Variants in LRRD1 observed in about 807,000 individuals in gnomAD.
LRRD1 encodes the protein leucine rich repeats and death domain containing 1.
LRRD1 carries 49 observed loss-of-function variants against 69.5 expected under a neutral mutation model. The observed-to-expected ratio is 0.70, with a 90% CI of 0.56 to 0.89. LRRD1 has a LOEUF of 0.89. LRRD1 is among the 40% of genes least tolerant of loss of function. LRRD1 has a pLI of 0.00. For missense variants in LRRD1, 853 were observed against 956.0 expected (o/e 0.89, Z 1.42); for synonymous variants, 303 against 338.9 (o/e 0.89, Z 1.16).
intron 1 of LRRD1, among the ~76,000 whole-genome samples, chr7:92,176,627 A>C (rs1292983700): frequency 1.3e-5 from 2 of 150,934 alleles, no homozygotes. Context: ...GCAGTGGTGC[A>C]ATCTCGGCTC....
intron 3 of LRRD1, among the ~76,000 whole-genome samples, chr7:92,151,076 G>A (rs1045441793): frequency 6.6e-6 from 1 of 152,162 alleles, no homozygotes; most frequent in Non-Finnish European, 1.5e-5. Flanking sequence ...TTCTCCTAAT[G>A]TTATCACATT....
At chr7:92,153,166 G>A (rs1788556581) in intron 3 of LRRD1, among the ~76,000 whole-genome samples, 1 of 152,092 alleles carries the variant, frequency 6.6e-6, no homozygotes, top group African/African-American at 2.4e-5. Flanking sequence ...CAGGGTTCAT[G>A]CAATTCTTGT....
intron 3 of LRRD1, among the ~76,000 whole-genome samples, chr7:92,152,145 G>GTGTGTGTGTGTA (rs1395780857): frequency 6.8e-6 from 1 of 147,302 alleles, no homozygotes; most frequent in Non-Finnish European, 1.5e-5. Context: ...CTGGGAGTGT[G>GTGTGTGTGTGTA]TGTGTGTGTG....
rs376501235 is a variant in LRRD1 at position 92,148,709 on chromosome 7, C to A, written c.2278+1825G>T. On this transcript the variant is annotated intron_variant, in intron 4 of 5. Coordinates refer to ENST00000458448, the MANE Select transcript of LRRD1 (RefSeq NM_001161528.2). The stretch of plus-strand genomic sequence containing the variant: ...GAAATACTTTATGGATCCTAGAAAA[C>A]CCCGAAAATCTTTATTCTATAGAAA... Among the ~76,000 whole-genome samples, 12 of 152,216 alleles carry A rather than the reference C, an allele frequency of 7.9e-5. No individual in the cohort carries two copies. The East Asian group carries it at 1.9e-3, about 24-fold the overall frequency.
downstream of LRRD1, chr7:92,142,857 A>C (rs1403080086): frequency 7.6e-6 from 3 of 392,916 alleles, no homozygotes; most frequent in African/African-American, 6.3e-5. Context: ...CAGCTCATAA[A>C]GGCAGTGTGG....
rs1200868631 is a variant in LRRD1, at chr7:92,174,507, A to G, written c.-75+4500T>C. ...TATATATATATATATATATATATAT[A>G]TATTTTTTTTTTTTTTTTTTTTTTT... On this transcript the variant is annotated intron_variant, in intron 1 of 5. Transcript: ENST00000458448. Among the ~76,000 whole-genome samples, 11 of 16,634 alleles carry G rather than the reference A, an allele frequency of 6.6e-4. 1 individual carries two copies. Among genetic ancestry groups the G allele is most frequent in the African/African-American group, 2.1e-3 (10 of 4,736 alleles). 10.9% of individuals were successfully genotyped at this position (16,634 alleles called of 152,430 possible). A position where few individuals can be genotyped will look rare whatever the true frequency, so the allele number is the denominator to read the frequency against.
chr7:92,144,822 GT>G, downstream of LRRD1: 1 of 966,928 alleles, frequency 1.0e-6, no homozygotes, highest in Non-Finnish European at 1.5e-6. Flanking sequence ...AAGTGAAATG[GT>G]TCACAAACAC....
At chr7:92,167,335 C>A (rs1046833451) in intron 1 of LRRD1, among the ~76,000 whole-genome samples, 1 of 151,770 alleles carries the variant, frequency 6.6e-6, no homozygotes, top group African/African-American at 2.4e-5. Flanking sequence ...ACCTTGTGAT[C>A]CATCCGCCTC....
At chr7:92,165,477 A>C (rs532088820) in intron 1 of LRRD1, among the ~76,000 whole-genome samples, 2 of 152,294 alleles carry the variant, frequency 1.3e-5, no homozygotes, top group East Asian at 3.9e-4. Context: ...TCTTGAAATC[A>C]CTTTAAAATT....
intron 5 of LRRD1, among the ~76,000 whole-genome samples, chr7:92,145,684 C>T (rs1820307099): frequency 6.6e-6 from 1 of 152,108 alleles, no homozygotes; most frequent in Non-Finnish European, 1.5e-5. Context: ...CGTGATCCAC[C>T]CGCCTCAGCT....
In LRRD1 at chr7:92,144,981, A is replaced by G. The variant is rs750310579; in HGVS notation, c.2490T>C (p.Asp830=). ...TCATAGTTAGTGCTCGAATTAGTTG[A>G]TCTCTTAAAGCAGCAGCAGTTAGTG... ...KLSLTAAALR[D]QLIRALTMIG... is the part of the protein sequence containing the mutation. The change falls in exon 6 of 6, where the codon GAT becomes GAC. Residue 830 remains aspartate (D), a synonymous_variant. Transcript: ENST00000458448. 2 of 1,546,162 alleles carry G rather than the reference A, an allele frequency of 1.3e-6. No homozygotes were observed. The highest frequency in any genetic ancestry group is 2.4e-5 in the South Asian group (2 of 83,194).
intron 2 of LRRD1, among the ~76,000 whole-genome samples, chr7:92,161,848 GA>G (rs890951483): frequency 9.2e-5 from 14 of 151,976 alleles, no homozygotes; most frequent in African/African-American, 3.1e-4. Context: ...TAATTTCCAG[GA>G]AAAAAAATGA....
At chr7:92,155,605 A>C (rs1288034218) in intron 3 of LRRD1, among the ~76,000 whole-genome samples, 22 of 152,006 alleles carry the variant, frequency 1.4e-4, no homozygotes, top group Non-Finnish European at 1.5e-5. Context: ...GACTAATAGG[A>C]TAGATATATA....
intron 1 of LRRD1, among the ~76,000 whole-genome samples, chr7:92,178,536 GGC>G (rs1789246639): frequency 6.6e-6 from 1 of 151,874 alleles, no homozygotes; most frequent in Non-Finnish European, 1.5e-5. Flanking sequence ...CGGTCGTGGC[GGC>G]GCGCGCCTGT....
chr7:92,165,362 A>G, intron 1 of LRRD1, 86 bp from the exon 2 acceptor site: 1 of 384,990 alleles, frequency 2.6e-6, no homozygotes. Context: ...TTTTATAAGA[A>G]ATAATTTAAT....
At chr7:92,143,547 A>G (rs1405987663), downstream of LRRD1, among the ~76,000 whole-genome samples, 2 of 152,148 alleles carry the variant, frequency 1.3e-5, no homozygotes, top group African/African-American at 2.4e-5. Flanking sequence ...CGAGAAATTG[A>G]GCACAGCAGC....
At chr7:92,165,319 A>G (rs1468040474) in intron 1 of LRRD1, 43 bp from the exon 2 acceptor site, 1 of 482,832 alleles carries the variant, frequency 2.1e-6, no homozygotes, top group Non-Finnish European at 3.5e-6. Context: ...AGAGATGTCA[A>G]AATGACAAAT....
rs1381215645 is a variant in LRRD1, at chr7:92,145,024, G to A, written c.2447C>T (p.Thr816Ile). 4 of 1,531,262 alleles carry A rather than the reference G, an allele frequency of 2.6e-6. No homozygotes were observed. Among genetic ancestry groups the A allele is most frequent in the East Asian group, 4.9e-5 (2 of 40,658 alleles). 94.9% of individuals were successfully genotyped at this position (1,531,262 alleles called of 1,614,324 possible). Residue 816 changes from threonine (T) to isoleucine (I), a missense_variant, in exon 6 of 6, where the codon ACA becomes ATA. Around this residue, in one of 3 missense-constraint regions of LRRD1, gnomAD observed 739 missense variants for 808.0 expected, o/e 0.91. Transcript: ENST00000458448. The part of the protein sequence containing the change: ...RAHQALVIWK[T>I]QSNKLSLTAA... ...AGTTAGTGATAACTTGTTACTTTGT[G>A]TTTTCCATATAACAAGTGCTTGGTG... is the stretch of plus-strand genomic sequence containing the variant.
chr7:92,165,838 G>A lies in LRRD1; in HGVS notation c.-74-562C>T, dbSNP rs200269457. On this transcript the variant is annotated intron_variant, in intron 1 of 5. Coordinates refer to ENST00000458448, the MANE Select transcript of LRRD1 (RefSeq NM_001161528.2). Reference sequence around the variant, plus strand: ...ATTGCACCATTGCACTCCAGCCTGGGCAACAAGAGTGAAACTCCATCTCAA... The same window carrying A: ...ATTGCACCATTGCACTCCAGCCTGGACAACAAGAGTGAAACTCCATCTCAA... 7.7e-4 allele frequency among the ~76,000 whole-genome samples: 99 copies of A among 128,548 alleles called. No individual in the cohort carries two copies. The East Asian group carries it at 0.012, about 16-fold the overall frequency. The allele number at this position is 128,548 out of a possible 152,430, so 84.3% of individuals were successfully genotyped here. A position where few individuals can be genotyped will look rare whatever the true frequency, so the allele number is the denominator to read the frequency against.
Sources: gnomAD v4.1 joint callset for allele counts (sites outside exome capture counted in the v4.1 genomes callset) on GRCh38, gnomAD v4.1.1 for gene constraint, gnomAD v4.1.1 regional missense constraint, MANE v1.5 for transcripts, NCBI Gene and HGNC (gene_info 2026-07-23, HGNC 2026-07-21) for gene names.